RHPN2: variants seen among roughly 807,000 people sequenced by gnomAD.
RHPN2 encodes rhophilin Rho GTPase binding protein 2.
A neutral mutation model predicts 79.0 loss-of-function variants in RHPN2; 40 were observed. The ratio of observed to expected loss-of-function variants is 0.51; its 90% CI spans 0.39 to 0.66. The LOEUF is 0.66. Ranked by LOEUF, RHPN2 falls within the 30% of genes least tolerant of loss-of-function variation. RHPN2 has a pLI of 0.00. For synonymous variants in RHPN2, 285 were observed against 363.5 expected (o/e 0.78, Z 2.46); for missense variants, 686 against 883.5 (o/e 0.78, Z 2.83).
chr19:33,063,006 C>T (rs1022313280), intron 1 of RHPN2, among the ~76,000 whole-genome samples: 1 of 151,984 alleles, frequency 6.6e-6, no homozygotes, highest in Admixed American at 6.6e-5. Context: ...TGCTGGAGTT[C>T]CAGAGCTACA....
intron 14 of RHPN2, among the ~76,000 whole-genome samples, chr19:32,980,779 G>A (rs1443093349): frequency 6.6e-6 from 1 of 152,106 alleles, no homozygotes; most frequent in Non-Finnish European, 1.5e-5. Flanking sequence ...TTGGCCTCCT[G>A]AGTAGCTGGG....
intron 3 of RHPN2, among the ~76,000 whole-genome samples, chr19:33,023,263 C>T (rs911778156): frequency 6.6e-6 from 1 of 151,648 alleles, no homozygotes; most frequent in East Asian, 1.9e-4. Flanking sequence ...GGTAAAACCC[C>T]GTCTCTACTA....
At chr19:32,986,536 C>A (rs1477982431) in intron 14 of RHPN2, among the ~76,000 whole-genome samples, 1 of 152,106 alleles carries the variant, frequency 6.6e-6, no homozygotes, top group African/African-American at 2.4e-5. Flanking sequence ...TGGCTCACGC[C>A]TGTAATCCCA....
intron 2 of RHPN2, among the ~76,000 whole-genome samples, chr19:33,027,730 A>G (rs1262867293): frequency 6.6e-6 from 1 of 152,070 alleles, no homozygotes; most frequent in Non-Finnish European, 1.5e-5. Context: ...AATATAATAT[A>G]ATATATTAAC....
Position 33,003,396 on chromosome 19 carries a change from GA to G in RHPN2, c.761-397del, listed in dbSNP as rs1266676960. Among the ~76,000 whole-genome samples the G allele has an allele frequency of 9.0e-5, 11 of 122,218 alleles. No individual in the cohort carries two copies. In the East Asian group the frequency reaches 1.8e-3, roughly 20 times the overall value. The allele number at this position is 122,218 out of a possible 152,430, so 80.2% of individuals were successfully genotyped here. ...AAAAAAAAAAAAGGAAAAGACAGGAGAAAAAAAAAAGAACCGGTGTCCTACA... is the reference window on the plus strand; with the variant it reads ...AAAAAAAAAAAAGGAAAAGACAGGAGAAAAAAAAAGAACCGGTGTCCTACA... On this transcript the variant is annotated intron_variant, in intron 7 of 14. Transcript: ENST00000254260.
At position 33,008,056 on chromosome 19, in the gene RHPN2, C is replaced by A; in HGVS notation, c.718G>T (p.Ala240Ser). Residue 240 changes from alanine (A) to serine (S), a missense_variant, in exon 7 of 15, where the codon GCT becomes TCT. Transcript: ENST00000254260. ...GCATCTATGGCACTCTCCAGCCCAG[C>A]CTGCGTCTGCCGATCACACCGGGTC... ...IGTRCDRQTQAGLESAIDAFQ... is the reference protein window; with the variant it reads ...IGTRCDRQTQSGLESAIDAFQ... 1.2e-6 allele frequency: 2 copies of A among 1,613,262 alleles called. No homozygotes were observed. Among genetic ancestry groups the A allele is most frequent in the Non-Finnish European group, 1.7e-6 (2 of 1,179,978 alleles).
At chr19:33,020,079 C>T (rs1360756151) in intron 4 of RHPN2, among the ~76,000 whole-genome samples, 2 of 152,204 alleles carry the variant, frequency 1.3e-5, no homozygotes, top group South Asian at 2.1e-4. Flanking sequence ...CTTGAAACCC[C>T]CACTGACCCA....
intron 5 of RHPN2, 122 bp downstream of exon 5, chr19:33,012,525 C>G: frequency 3.9e-6 from 3 of 769,358 alleles, no homozygotes; most frequent in Non-Finnish European, 7.2e-6. Flanking sequence ...ATGATTCCAG[C>G]ACCCCCCAAC....
chr19:33,009,049 T>C (rs1971816156), intron 6 of RHPN2, among the ~76,000 whole-genome samples: 1 of 151,798 alleles, frequency 6.6e-6, no homozygotes, highest in East Asian at 1.9e-4. Flanking sequence ...GATTCCAACA[T>C]TCTGAAAAGC....
intron 1 of RHPN2, among the ~76,000 whole-genome samples, chr19:33,062,951 C>T (rs1372451068): frequency 6.6e-6 from 1 of 152,092 alleles, no homozygotes; most frequent in African/African-American, 2.4e-5. Context: ...CTTGGGACCA[C>T]CCCTCACAGG....
chr19:33,044,430 A>G (rs1407667608), intron 1 of RHPN2, 66 bp from the exon 2 acceptor site: 2 of 972,604 alleles, frequency 2.1e-6, no homozygotes, highest in African/African-American at 3.2e-5. Context: ...AGGGTTTAAT[A>G]TAATGGAAAA....
At chr19:33,050,310 TAGG>T (rs1972176521) in intron 1 of RHPN2, among the ~76,000 whole-genome samples, 1 of 152,224 alleles carries the variant, frequency 6.6e-6, no homozygotes, top group Non-Finnish European at 1.5e-5. Context: ...TGGATCAAGC[TAGG>T]CCTGAAGCCA....
In RHPN2 at chr19:32,979,041, T is replaced by G. The variant is rs1180071083; in HGVS notation, c.*955A>C. On this transcript the variant is annotated 3_prime_UTR_variant, in exon 15 of 15. Coordinates refer to ENST00000254260, the MANE Select transcript of RHPN2 (RefSeq NM_033103.5). ...AGGGCACCTTGTAGTCCCAGCTATT[T>G]GGGAGGCTGAGGTAGGAGAATCGCT... 6.6e-6 allele frequency: 1 copy of G among 152,040 alleles called. No individual in the cohort carries two copies. The highest frequency in any genetic ancestry group is 2.4e-5 in the African/African-American group (1 of 41,392). The allele number at this position is 152,040 out of a possible 1,614,324, so 9.4% of individuals were successfully genotyped here.
intron 14 of RHPN2, among the ~76,000 whole-genome samples, chr19:32,989,275 A>C (rs1971636302): frequency 6.6e-6 from 1 of 152,034 alleles, no homozygotes; most frequent in South Asian, 2.1e-4. Context: ...ATGCCCAGCT[A>C]ATTTTTATAT....
rs146579686 is a variant in RHPN2, at chr19:32,981,067, C to T, written c.1801-811G>A. Among the ~76,000 whole-genome samples the T allele has an allele frequency of 6.0e-3, 907 of 152,080 alleles. 6 individuals are homozygous for T. Among genetic ancestry groups the T allele is most frequent in the Non-Finnish European group, 9.9e-3 (676 of 67,980 alleles). On this transcript the variant is annotated intron_variant, in intron 14 of 14. Coordinates refer to ENST00000254260, the MANE Select transcript of RHPN2 (RefSeq NM_033103.5). Reference sequence around the variant, plus strand: ...TTCTCGATCTCCTGACCTCGTGATCCGCCCGTCTTGGCCTCCCAAAGTGCT... The same window carrying T: ...TTCTCGATCTCCTGACCTCGTGATCTGCCCGTCTTGGCCTCCCAAAGTGCT...
At chr19:33,056,432 G>A (rs971344407) in intron 1 of RHPN2, among the ~76,000 whole-genome samples, 2 of 151,956 alleles carry the variant, frequency 1.3e-5, no homozygotes, top group African/African-American at 4.8e-5. Context: ...TTTTCTTCAT[G>A]GCCACAACAG....
At chr19:33,024,713 T>C (rs1218557700) in intron 3 of RHPN2, among the ~76,000 whole-genome samples, 1 of 152,212 alleles carries the variant, frequency 6.6e-6, no homozygotes, top group Non-Finnish European at 1.5e-5. Context: ...AAGAAGCACG[T>C]AAACCCTTCT....
In RHPN2 at chr19:32,990,651, C is replaced by G. The variant is rs751585975; in HGVS notation, c.1663G>C (p.Gly555Arg). ...AGCTGAATGGAGACAATATAATCTC[C>G]TTCCCGGGCTCCTGCCACCTGAAAA... ...CSASVAGAREGDYIVSIQLVD... is the reference protein window; with the variant it reads ...CSASVAGARERDYIVSIQLVD... The change falls in exon 14 of 15, where the codon GGA (glycine) becomes CGA (arginine). Residue 555 changes from glycine to arginine, a missense_variant. Transcript: ENST00000254260. The G allele has an allele frequency of 6.2e-7, 1 of 1,613,998 alleles. No homozygotes were observed. The highest frequency in any genetic ancestry group is 8.5e-7 in the Non-Finnish European group (1 of 1,179,874).
intron 2 of RHPN2, among the ~76,000 whole-genome samples, chr19:33,036,587 TG>T (rs1218474380): frequency 6.6e-6 from 1 of 152,162 alleles, no homozygotes; most frequent in East Asian, 1.9e-4. Context: ...AGCCCCTTTC[TG>T]GGCTGGCCAA....
Sources: gnomAD v4.1 joint callset for allele counts (sites outside exome capture counted in the v4.1 genomes callset) on GRCh38, gnomAD v4.1.1 for gene constraint, MANE v1.5 for transcripts, NCBI Gene and HGNC (gene_info 2026-07-23, HGNC 2026-07-21) for gene names.